The following HNRNPUL1 variants were observed in gnomAD, a reference collection of about 807,000 sequenced individuals.
HNRNPUL1 encodes heterogeneous nuclear ribonucleoprotein U-like protein 1.
A neutral mutation model predicts 108.5 loss-of-function variants in HNRNPUL1; 14 were observed. That is an observed-to-expected ratio of 0.13 (90% confidence interval 0.09 to 0.20). The LOEUF (loss-of-function observed/expected upper bound fraction) is 0.20. HNRNPUL1 is among the 10% of genes least tolerant of loss of function. The pLI, the probability that HNRNPUL1 is intolerant of heterozygous loss-of-function variation, is 1.00. For missense variants in HNRNPUL1, 804 were observed against 1,168.3 expected, an observed-to-expected ratio of 0.69 and a Z score of 4.55; for synonymous variants, 422 against 445.2, an observed-to-expected ratio of 0.95 and a Z score of 0.66.
intron 5 of HNRNPUL1, chr19:41,278,566 G>A (rs944584076): frequency 6.5e-6 from 1 of 153,602 alleles, no homozygotes; most frequent in African/African-American, 2.4e-5. Context: ...TGTATCTATA[G>A]GATGCTGAGT....
At chr19:41,303,067 G>A in intron 12 of HNRNPUL1, 118 bp downstream of exon 12, 1 of 1,165,016 alleles carries the variant, frequency 8.6e-7, no homozygotes, top group Non-Finnish European at 1.2e-6. Flanking sequence ...GTTATACTCT[G>A]GTAGAAAACT....
At chr19:41,298,256 C>T (rs565367258) in intron 10 of HNRNPUL1, among the ~76,000 whole-genome samples, 3 of 152,344 alleles carry the variant, frequency 2.0e-5, no homozygotes, top group Admixed American at 6.5e-5. Context: ...CTCTGAGAAA[C>T]CCAACTCTTG....
At chr19:41,291,939 C>T (rs1315290636) in intron 7 of HNRNPUL1, 1 of 345,034 alleles carries the variant, frequency 2.9e-6, no homozygotes, top group East Asian at 6.5e-5. Flanking sequence ...CCTAGCTGTG[C>T]CACTGCACTC....
At chr19:41,286,095 T>G (rs77574213) in intron 7 of HNRNPUL1, among the ~76,000 whole-genome samples, 10,021 of 151,964 alleles carry the variant, frequency 0.066, 904 homozygotes, top group African/African-American at 0.2. Flanking sequence ...AAAAAAAAAT[T>G]AATAGCCTAC....
In HNRNPUL1 at chr19:41,292,652, A is replaced by T; in HGVS notation, c.1266+141A>T. 9.7e-7 allele frequency: 1 copy of T among 1,029,604 alleles called. No individual in the cohort carries two copies. The highest frequency in any genetic ancestry group is 1.6e-5 in the African/African-American group (1 of 63,518). The allele number at this position is 1,029,604 out of a possible 1,614,324, so 63.8% of individuals were successfully genotyped here. A position where few individuals can be genotyped will look rare whatever the true frequency, so the allele number is the denominator to read the frequency against. ...GTCCCAGCTCCTCAGGGTTGGACTC[A>T]GAGCTGAAAAGCTGCTCTGAGTGTG... On this transcript the variant is annotated intron_variant, in intron 8 of 14. Transcript: ENST00000392006. The surrounding 1 kb of genome is among the most constrained non-coding windows in gnomAD (Gnocchi z 4.1).
chr19:41,298,448 G>A (rs1025053112), intron 10 of HNRNPUL1: 2 of 152,268 alleles, frequency 1.3e-5, no homozygotes, highest in African/African-American at 4.8e-5. Context: ...GCAGCCCCCA[G>A]CGACCACAGA....
chr19:41,268,375 G>A, intron 2 of HNRNPUL1, 30 bp downstream of exon 2: 2 of 1,607,418 alleles, frequency 1.2e-6, no homozygotes, highest in Non-Finnish European at 1.7e-6. Context: ...TCATCTCTTT[G>A]GATGGAAACA....
At chr19:41,281,334 T>C in intron 7 of HNRNPUL1, 59 bp downstream of exon 7, 1 of 1,121,360 alleles carries the variant, frequency 8.9e-7, no homozygotes, top group Non-Finnish European at 1.4e-6. Context: ...CAGACTTCTT[T>C]TTCAGGATAC....
chr19:41,278,988 T>A, intron 5 of HNRNPUL1, 89 bp from the exon 6 acceptor site: 1 of 890,258 alleles, frequency 1.1e-6, no homozygotes, highest in Non-Finnish European at 1.9e-6. Context: ...TGCTATTTTT[T>A]AATGCCTGAT....
At chr19:41,297,126 G>A (rs1377855233) in intron 10 of HNRNPUL1, among the ~76,000 whole-genome samples, 1 of 152,238 alleles carries the variant, frequency 6.6e-6, no homozygotes, top group Non-Finnish European at 1.5e-5. Flanking sequence ...CATCACAGCT[G>A]TGGAACATCA....
intron 10 of HNRNPUL1, among the ~76,000 whole-genome samples, chr19:41,297,949 G>A (rs1251505501): frequency 1.3e-5 from 2 of 152,122 alleles, no homozygotes; most frequent in Admixed American, 1.3e-4. Flanking sequence ...AGAGCCTGAA[G>A]CCCATTCCAT....
At chr19:41,268,181 TGAA>T (rs2034972623) in intron 1 of HNRNPUL1, 39 bp from the exon 2 acceptor site, 1 of 1,604,668 alleles carries the variant, frequency 6.2e-7, no homozygotes, top group Admixed American at 1.7e-5. Context: ...GGGTTCTTCA[TGAA>T]CCGCCCCTCT....
chr19:41,271,676 T>G (rs2035247870), intron 2 of HNRNPUL1, among the ~76,000 whole-genome samples: 1 of 152,118 alleles, frequency 6.6e-6, no homozygotes, highest in African/African-American at 2.4e-5. Context: ...TTAAAGAGGT[T>G]ATTGCACCTA....
In HNRNPUL1 at chr19:41,285,689, T is replaced by C. The variant is rs10419107; in HGVS notation, c.999+4414T>C. Among the ~76,000 whole-genome samples the C allele has an allele frequency of 6.4e-3, 968 of 152,324 alleles. 9 individuals are homozygous for C. The highest frequency in any genetic ancestry group is 0.022 in the African/African-American group (915 of 41,574). On this transcript the variant is annotated intron_variant, in intron 7 of 14. Coordinates refer to ENST00000392006, the MANE Select transcript of HNRNPUL1 (RefSeq NM_007040.6). ...GAAGTTAGGAAATACCTTTCCAATA[T>C]GTGGTTCCCTTTTAAAATTATTTTG...
chr19:41,291,011 A>G (rs2036545428), intron 7 of HNRNPUL1, among the ~76,000 whole-genome samples: 1 of 152,198 alleles, frequency 6.6e-6, no homozygotes, highest in Admixed American at 6.5e-5. Context: ...GCGCCATTGC[A>G]CTCCAGCCTG....
rs1250023679 is a variant in HNRNPUL1, at chr19:41,264,761, C to T, written c.258C>T (p.His86=). 7 of 1,379,062 alleles carry T rather than the reference C, an allele frequency of 5.1e-6. No homozygotes were observed. The highest frequency in any genetic ancestry group is 6.5e-6 in the Non-Finnish European group (7 of 1,070,606). The allele number at this position is 1,379,062 out of a possible 1,614,324, so 85.4% of individuals were successfully genotyped here. Residue 86 remains histidine, a synonymous_variant, in exon 1 of 15, where the codon CAC becomes CAT. Transcript: ENST00000392006. ...AQPPPPGLQP[H]AEPGGYSGPD... Reference sequence around the variant, plus strand: ...CACCGCCGCCCGGGCTGCAGCCGCACGCGGAGCCCGGCGGCTACTCGGGGC... The same window carrying T: ...CACCGCCGCCCGGGCTGCAGCCGCATGCGGAGCCCGGCGGCTACTCGGGGC...
chr19:41,294,425 A>G lies in HNRNPUL1; in HGVS notation c.1354A>G (p.Ile452Val). Residue 452 changes from isoleucine to valine, a missense_variant, in exon 9 of 15, where the codon ATC becomes GTC. Transcript: ENST00000392006. This position sits in a 1 kb window ranked among gnomAD's most constrained non-coding sequence, Gnocchi z 4.3. Reference sequence around the variant, plus strand: ...CTCCAACCCTTCCAAGAAGTACAACATCCTGGGTACCAATGCCATCATGGA... The same window carrying G: ...CTCCAACCCTTCCAAGAAGTACAACGTCCTGGGTACCAATGCCATCATGGA... ...AASNPSKKYNILGTNAIMDKM... is the reference protein window; with the variant it reads ...AASNPSKKYNVLGTNAIMDKM... The G allele has an allele frequency of 6.2e-7, 1 of 1,614,130 alleles. No individual in the cohort carries two copies. The highest frequency in any genetic ancestry group is 8.5e-7 in the Non-Finnish European group (1 of 1,180,016).
chr19:41,304,048 C>T lies in HNRNPUL1; in HGVS notation c.2049C>T (p.Asn683=). 1 of 1,613,878 alleles carries T rather than the reference C, an allele frequency of 6.2e-7. No homozygotes were observed. Among genetic ancestry groups the T allele is most frequent in the Non-Finnish European group, 8.5e-7 (1 of 1,179,774 alleles). Residue 683 remains asparagine (N), a synonymous_variant, in exon 13 of 15, where the codon AAC becomes AAT. Coordinates refer to ENST00000392006, the MANE Select transcript of HNRNPUL1 (RefSeq NM_007040.6). The stretch of plus-strand genomic sequence containing the variant: ...ACAACCGGGATAACAACAACTCCAA[C>T]AACAGAGGCAGCTACAACCGGGCTC... ...GNNNRDNNNS[N]NRGSYNRAPQ...
chr19:41,264,911 A>T, intron 1 of HNRNPUL1, 113 bp downstream of exon 1: 1 of 1,337,292 alleles, frequency 7.5e-7, no homozygotes, highest in Non-Finnish European at 9.5e-7. Context: ...GGATCGGGGG[A>T]TCCCGCTACC....
Sources: allele counts gnomAD v4.1 joint callset (sites outside exome capture counted in the v4.1 genomes callset), GRCh38; gene constraint gnomAD v4.1.1; non-coding constraint Gnocchi (gnomAD v3.1); transcripts MANE v1.5; gene names NCBI Gene and HGNC (gene_info 2026-07-23, HGNC 2026-07-21).